THSD4: variants seen among roughly 807,000 people sequenced by gnomAD.
THSD4 encodes the protein thrombospondin type 1 domain containing 4.
A neutral mutation model predicts 119.0 loss-of-function variants in THSD4; 69 were observed. That is an observed-to-expected ratio of 0.58 (90% confidence interval 0.48 to 0.71). THSD4 has a LOEUF of 0.71. THSD4 is among the 30% of genes least tolerant of loss of function. The pLI is 0.00. For synonymous variants in THSD4, 524 were observed against 540.4 expected (o/e 0.97, Z 0.42); for missense variants, 1,393 against 1,391.1 (o/e 1.00, Z -0.02).
intron 6 of THSD4, 25 bp from the exon 7 acceptor site, chr15:71,411,662 A>G (rs2046688267): frequency 6.3e-7 from 1 of 1,596,282 alleles, no homozygotes; most frequent in South Asian, 1.1e-5. Context: ...TCTTTATTTT[A>G]TTTTATTTCA....
At chr15:71,341,584 T>C in intron 6 of THSD4, 1 of 1,601,616 alleles carries the variant, frequency 6.2e-7, no homozygotes, top group South Asian at 1.1e-5. Flanking sequence ...ACTTCGTGGC[T>C]TTTCGTATAT....
intron 6 of THSD4, among the ~76,000 whole-genome samples, chr15:71,355,265 G>A: frequency 6.6e-6 from 1 of 152,204 alleles, no homozygotes; most frequent in Admixed American, 6.5e-5. Context: ...TAAGGTGAGT[G>A]TTAATCCTGG....
rs1013029484 is a variant in THSD4, at chr15:71,301,536, C to A, written c.1015+44821C>A. Among the ~76,000 whole-genome samples the A allele has an allele frequency of 2.6e-4, 40 of 152,184 alleles. 1 individual carries two copies. Among genetic ancestry groups the A allele is most frequent in the African/African-American group, 9.6e-4 (40 of 41,538 alleles). ...TGTTCTATTGGGTAAAAAATGAGAT[C>A]TCTTCTGTAATATGTGTTAATATCT... On this transcript the variant is annotated intron_variant, in intron 6 of 17. Transcript: ENST00000261862.
At chr15:71,370,857 C>G (rs183617614) in intron 6 of THSD4, among the ~76,000 whole-genome samples, 253 of 152,294 alleles carry the variant, frequency 1.7e-3, no homozygotes, top group Middle Eastern at 0.01. Context: ...TCTCGTCGAT[C>G]TGTCTGATGT....
intron 7 of THSD4, among the ~76,000 whole-genome samples, chr15:71,498,895 G>A (rs2048068687): frequency 6.6e-6 from 1 of 150,740 alleles, no homozygotes. Context: ...TGTAGAGATG[G>A]GGTTTTGCCA....
chr15:71,412,485 C>T (rs556294340), intron 7 of THSD4, among the ~76,000 whole-genome samples: 9 of 152,246 alleles, frequency 5.9e-5, no homozygotes, highest in African/African-American at 1.7e-4. Context: ...CATTAATTTG[C>T]GCTTGGACTT....
At chr15:71,626,996 A>G (rs1595801834) in intron 7 of THSD4, among the ~76,000 whole-genome samples, 1 of 152,218 alleles carries the variant, frequency 6.6e-6, no homozygotes, top group Non-Finnish European at 1.5e-5. Flanking sequence ...GAGGTAGGAC[A>G]TAGGAAGATT....
chr15:71,398,602 T>C (rs10518959), intron 6 of THSD4, among the ~76,000 whole-genome samples: 95,572 of 151,912 alleles, frequency 0.63, 30,449 homozygotes, highest in East Asian at 0.74. Flanking sequence ...TTCTAGAATG[T>C]TTGTTACCAT....
intron 3 of THSD4, among the ~76,000 whole-genome samples, chr15:71,163,315 A>C (rs533439765): frequency 6.6e-6 from 1 of 152,096 alleles, no homozygotes; most frequent in Admixed American, 6.5e-5. Flanking sequence ...TCAGATGTTC[A>C]GTATTCCTCC....
intron 7 of THSD4, among the ~76,000 whole-genome samples, chr15:71,527,383 A>G (rs1189495017): frequency 6.6e-6 from 1 of 152,244 alleles, no homozygotes; most frequent in East Asian, 1.9e-4. Flanking sequence ...GGTCAGGGCA[A>G]TAAATAATTC....
intron 11 of THSD4, among the ~76,000 whole-genome samples, chr15:71,739,616 C>T (rs1192858805): frequency 1.3e-5 from 2 of 152,140 alleles, no homozygotes; most frequent in Non-Finnish European, 2.9e-5. Flanking sequence ...CACCTATGAA[C>T]TGTGTAGTTA....
intron 7 of THSD4, among the ~76,000 whole-genome samples, chr15:71,494,563 A>T (rs1480551958): frequency 6.9e-6 from 1 of 144,776 alleles, no homozygotes; most frequent in African/African-American, 2.6e-5. Flanking sequence ...CACCGCCACC[A>T]CACGATGGAC....
chr15:71,514,972 C>T (rs1018110898), intron 7 of THSD4, among the ~76,000 whole-genome samples: 5 of 152,156 alleles, frequency 3.3e-5, no homozygotes, highest in African/African-American at 9.7e-5. Flanking sequence ...TACCTACTAC[C>T]CCCTACAAGA....
At chr15:71,312,350 G>A (rs936845135) in intron 6 of THSD4, among the ~76,000 whole-genome samples, 1 of 151,928 alleles carries the variant, frequency 6.6e-6, no homozygotes, top group African/African-American at 2.4e-5. Flanking sequence ...GGAGTGGGGA[G>A]TGGGGGGAGG....
At chr15:71,562,571 G>T (rs1168353232) in intron 7 of THSD4, among the ~76,000 whole-genome samples, 1 of 151,074 alleles carries the variant, frequency 6.6e-6, no homozygotes, top group Non-Finnish European at 1.5e-5. Context: ...TGGAAGTGTA[G>T]CAGAAAAGCA....
intron 6 of THSD4, among the ~76,000 whole-genome samples, chr15:71,376,173 T>G (rs1568010): frequency 0.36 from 55,323 of 151,984 alleles, 10,220 homozygotes; most frequent in South Asian, 0.45. Context: ...GGAGGAGTAC[T>G]CACATCCTTT....
intron 7 of THSD4, among the ~76,000 whole-genome samples, chr15:71,543,475 A>G (rs1244278647): frequency 6.6e-6 from 1 of 152,196 alleles, no homozygotes; most frequent in African/African-American, 2.4e-5. Flanking sequence ...AGGAAACTCA[A>G]TCAGACCCAA....
At chr15:71,193,470 T>C (rs1162932100) in intron 3 of THSD4, among the ~76,000 whole-genome samples, 1 of 152,162 alleles carries the variant, frequency 6.6e-6, no homozygotes, top group East Asian at 1.9e-4. Context: ...GATTTCCAGA[T>C]CCTCCTAGCT....
chr15:71,532,132 G>A (rs146266225), intron 7 of THSD4, among the ~76,000 whole-genome samples: 1 of 152,152 alleles, frequency 6.6e-6, no homozygotes, highest in African/African-American at 2.4e-5. Flanking sequence ...GACATGCAAC[G>A]GTGGTCACTG....
Sources: gnomAD v4.1 joint callset for allele counts (sites outside exome capture counted in the v4.1 genomes callset) on GRCh38, gnomAD v4.1.1 for gene constraint, MANE v1.5 for transcripts, NCBI Gene and HGNC (gene_info 2026-07-23, HGNC 2026-07-21) for gene names.